C12orf43: variants seen among roughly 807,000 people sequenced by gnomAD.
C12orf43 encodes the protein chromosome 12 open reading frame 43.
A neutral mutation model predicts 20.6 loss-of-function variants in C12orf43; 15 were observed. The observed-to-expected ratio is 0.73, with a 90% CI of 0.49 to 1.12. The LOEUF is 1.12. Among genes scored for constraint, C12orf43 ranks in the 50% most tolerant of loss-of-function variants. C12orf43 has a pLI of 0.00. For synonymous variants in C12orf43, 144 were observed against 130.8 expected, an observed-to-expected ratio of 1.10 and a Z score of -0.69; for missense variants, 334 against 344.4, an observed-to-expected ratio of 0.97 and a Z score of 0.24.
Position 121,003,028 on chromosome 12 carries a change from TTTC to T in C12orf43, c.*1122_*1124del, listed in dbSNP as rs766944274. The T allele has an allele frequency of 3.9e-4, 49 of 124,354 alleles. 4 individuals are homozygous for T. In the South Asian group the frequency reaches 4.9e-3, roughly 12 times the overall value. The allele number at this position is 124,354 out of a possible 1,614,324, so 7.7% of individuals were successfully genotyped here. ...AGCTTCTACTTCTTTTCTTTTTCTT[TTTC>T]TTTTTTTTTTTTTGAGATAGGGTCT... On this transcript the variant is annotated 3_prime_UTR_variant, in exon 6 of 6. Transcript: ENST00000288757.
intron 3 of C12orf43, among the ~76,000 whole-genome samples, chr12:121,008,638 TCTA>T (rs1878204647): frequency 6.6e-6 from 1 of 152,224 alleles, no homozygotes. Context: ...AAACACCTCC[TCTA>T]CTTTCTCCAA....
At position 121,004,120 on chromosome 12, in the gene C12orf43, GGAGCTGGCT is replaced by G; in HGVS notation, c.*24_*32del. The G allele has an allele frequency of 6.2e-7, 1 of 1,606,950 alleles. No individual in the cohort carries two copies. Among genetic ancestry groups the G allele is most frequent in the Non-Finnish European group, 8.5e-7 (1 of 1,173,400 alleles). ...AGGGTGGGGGGGACACCTTGTCCTT[GGAGCTGGCT>G]GAGCCCTGTGCCCATGGCTGGGTTC... On this transcript the variant is annotated 3_prime_UTR_variant, in exon 6 of 6. Transcript: ENST00000288757. The surrounding 1 kb of genome is among the most constrained non-coding windows in gnomAD (Gnocchi z 5.6).
chr12:121,001,856 T>G lies in C12orf43; in HGVS notation c.*2297A>C. On this transcript the variant is annotated 3_prime_UTR_variant, in exon 6 of 6. Transcript: ENST00000288757. ...CAGGCAGGGCTCTCCTGGCTTCCCA[T>G]CCCCAGCGATTCCCTCTCCCAGGCC... 1.9e-6 allele frequency: 1 copy of G among 523,736 alleles called. No homozygotes were observed. The highest frequency in any genetic ancestry group is 1.6e-5 in the South Asian group (1 of 63,314). The allele number at this position is 523,736 out of a possible 1,614,324, so 32.4% of individuals were successfully genotyped here. A position where few individuals can be genotyped will look rare whatever the true frequency, so the allele number is the denominator to read the frequency against.
At chr12:121,007,270 C>T (rs1422015820) in intron 3 of C12orf43, 3 of 152,116 alleles carry the variant, frequency 2.0e-5, no homozygotes, top group African/African-American at 4.8e-5. Context: ...CATTTTCTCG[C>T]AATGGTAACA....
Position 121,003,790 on chromosome 12 carries a change from C to T in C12orf43, c.*363G>A. The T allele has an allele frequency of 4.0e-6, 1 of 247,548 alleles. No homozygotes were observed. Among genetic ancestry groups the T allele is most frequent in the African/African-American group, 2.3e-5 (1 of 44,384 alleles). 15.3% of individuals were successfully genotyped at this position (247,548 alleles called of 1,614,324 possible). A position where few individuals can be genotyped will look rare whatever the true frequency, so the allele number is the denominator to read the frequency against. Reference sequence around the variant, plus strand: ...GAGGTGGTGGGGAAGGTCTCCCTTCCCCTGCCCACCTCAGACAGTTCTAGG... The same window carrying T: ...GAGGTGGTGGGGAAGGTCTCCCTTCTCCTGCCCACCTCAGACAGTTCTAGG... On this transcript the variant is annotated 3_prime_UTR_variant, in exon 6 of 6. Coordinates refer to ENST00000288757, the MANE Select transcript of C12orf43 (RefSeq NM_022895.3).
chr12:121,002,733 C>A lies in C12orf43; in HGVS notation c.*1420G>T. ...AAAAATTTTGTTTTGGAGACAGGGT[C>A]TCACTGTCACCCAGGCTGGACTGCA... On this transcript the variant is annotated 3_prime_UTR_variant, in exon 6 of 6. Transcript: ENST00000288757. 3.2e-6 allele frequency: 1 copy of A among 312,772 alleles called. No homozygotes were observed. Among genetic ancestry groups the A allele is most frequent in the South Asian group, 2.6e-5 (1 of 38,138 alleles). 19.4% of individuals were successfully genotyped at this position (312,772 alleles called of 1,614,324 possible).
At position 121,001,279 on chromosome 12, in the gene C12orf43, G is replaced by A. The variant is rs1029883011; in HGVS notation, c.*2874C>T. On this transcript the variant is annotated 3_prime_UTR_variant, in exon 6 of 6. Coordinates refer to ENST00000288757, the MANE Select transcript of C12orf43 (RefSeq NM_022895.3). ...AGCCCTGCCTGGAGGACCTGAGCCT[G>A]CCGAGCAACCGTGGCCCTTCCTGGA... 1.3e-6 allele frequency: 2 copies of A among 1,526,818 alleles called. No individual in the cohort carries two copies. Among genetic ancestry groups the A allele is most frequent in the African/African-American group, 1.4e-5 (1 of 73,234 alleles). 94.6% of individuals were successfully genotyped at this position (1,526,818 alleles called of 1,614,324 possible).
In C12orf43 at chr12:121,004,143, A is replaced by G; in HGVS notation, c.*10T>C. On this transcript the variant is annotated 3_prime_UTR_variant, in exon 6 of 6. Transcript: ENST00000288757. This position sits in a 1 kb window ranked among gnomAD's most constrained non-coding sequence, Gnocchi z 5.6. ...TTGGAGCTGGCTGAGCCCTGTGCCCATGGCTGGGTTCAGTTTGCAGGTATA... is the reference window on the plus strand; with the variant it reads ...TTGGAGCTGGCTGAGCCCTGTGCCCGTGGCTGGGTTCAGTTTGCAGGTATA... The G allele has an allele frequency of 1.9e-6, 3 of 1,614,020 alleles. No individual in the cohort carries two copies. Among genetic ancestry groups the G allele is most frequent in the Non-Finnish European group, 2.5e-6 (3 of 1,179,910 alleles).
At chr12:121,013,226 G>T in intron 1 of C12orf43, among the ~76,000 whole-genome samples, 1 of 152,204 alleles carries the variant, frequency 6.6e-6, no homozygotes, top group East Asian at 1.9e-4. Flanking sequence ...AGTCTTTAAA[G>T]ACCTGGTCTT....
In C12orf43 at chr12:121,000,942, T is replaced by G; in HGVS notation, c.*3211A>C. ...GGTAGAGGTGTGACTTTGGGGTTCC[T>G]GTTATCTGCTGTGATCCAGGAGGTG... On this transcript the variant is annotated 3_prime_UTR_variant, in exon 6 of 6. Transcript: ENST00000288757. 7.3e-7 allele frequency: 1 copy of G among 1,368,266 alleles called. No homozygotes were observed. Among genetic ancestry groups the G allele is most frequent in the Non-Finnish European group, 1.0e-6 (1 of 975,856 alleles). 84.8% of individuals were successfully genotyped at this position (1,368,266 alleles called of 1,614,324 possible).
Position 121,001,994 on chromosome 12 carries a change from C to T in C12orf43, c.*2159G>A, listed in dbSNP as rs912869477. The T allele has an allele frequency of 7.5e-6, 4 of 536,556 alleles. No individual in the cohort carries two copies. Among genetic ancestry groups the T allele is most frequent in the Non-Finnish European group, 1.1e-5 (3 of 276,618 alleles). The allele number at this position is 536,556 out of a possible 1,614,324, so 33.2% of individuals were successfully genotyped here. ...CTTCGGGGCTGGGAAGTCGTCCTTA[C>T]TCCTGTGGGAGCCTCGCAACCCGTG... On this transcript the variant is annotated 3_prime_UTR_variant, in exon 6 of 6. Coordinates refer to ENST00000288757, the MANE Select transcript of C12orf43 (RefSeq NM_022895.3).
rs937579196 is a variant in C12orf43 at position 121,001,852 on chromosome 12, C to A, written c.*2301G>T. On this transcript the variant is annotated 3_prime_UTR_variant, in exon 6 of 6. Coordinates refer to ENST00000288757, the MANE Select transcript of C12orf43 (RefSeq NM_022895.3). ...AAGGCAGGCAGGGCTCTCCTGGCTT[C>A]CCATCCCCAGCGATTCCCTCTCCCA... The A allele has an allele frequency of 3.8e-6, 2 of 526,048 alleles. No homozygotes were observed. The highest frequency in any genetic ancestry group is 7.4e-6 in the Non-Finnish European group (2 of 271,020). 32.6% of individuals were successfully genotyped at this position (526,048 alleles called of 1,614,324 possible).
chr12:121,005,144 A>G lies in C12orf43; in HGVS notation c.362-51T>C, dbSNP rs1320070491. On this transcript the variant is annotated intron_variant, in intron 4 of 5. Transcript: ENST00000288757. This position sits in a 1 kb window ranked among gnomAD's most constrained non-coding sequence, Gnocchi z 5.6. ...ACAAAAACAAAACAAAACAAAAAGA[A>G]ACATAAAAAAATAAAAAATAAAGAA... is the stretch of plus-strand genomic sequence containing the variant. 2 of 940,742 alleles carry G rather than the reference A, an allele frequency of 2.1e-6. No individual in the cohort carries two copies. The highest frequency in any genetic ancestry group is 2.8e-6 in the Non-Finnish European group (2 of 701,992). The allele number at this position is 940,742 out of a possible 1,614,324, so 58.3% of individuals were successfully genotyped here.
chr12:121,006,223 G>GAAA, intron 4 of C12orf43, 98 bp downstream of exon 4: 2 of 449,354 alleles, frequency 4.5e-6, no homozygotes, highest in Non-Finnish European at 6.5e-6. Context: ...CTCAAAAAAA[G>GAAA]AAAAAAAAAA....
chr12:121,004,389 T>C lies in C12orf43; in HGVS notation c.553A>G (p.Lys185Glu). ...SAIHSPGTVE[K>E]EAKKKRKLKK... ...AACTTCCTTTTCTTCTTTGCCTCCT[T>C]CTCCACTGTTCCAGGGCTGTGGATG... The change falls in exon 6 of 6, where the codon AAG (lysine) becomes GAG (glutamate). Residue 185 changes from lysine to glutamate, a missense_variant. By Grantham distance (56) the Lys-to-Glu change is moderately conservative. Coordinates refer to ENST00000288757, the MANE Select transcript of C12orf43 (RefSeq NM_022895.3). This position sits in a 1 kb window ranked among gnomAD's most constrained non-coding sequence, Gnocchi z 5.6. 17 of 1,614,106 alleles carry C rather than the reference T, an allele frequency of 1.1e-5. No individual in the cohort carries two copies. The highest frequency in any genetic ancestry group is 1.4e-5 in the Non-Finnish European group (17 of 1,180,028).
At chr12:121,010,051 C>T (rs1459293382) in intron 3 of C12orf43, among the ~76,000 whole-genome samples, 1 of 152,236 alleles carries the variant, frequency 6.6e-6, no homozygotes, top group Non-Finnish European at 1.5e-5. Flanking sequence ...CTTGTAATCC[C>T]AGCACTTTGG....
intron 2 of C12orf43, 22 bp downstream of exon 2, chr12:121,011,082 T>C (rs1002714214): frequency 2.5e-6 from 4 of 1,612,996 alleles, no homozygotes; most frequent in Non-Finnish European, 3.4e-6. Flanking sequence ...TAAGTGAAAC[T>C]TGAACCCAAA....
In C12orf43 at chr12:121,010,894, T is replaced by C. The variant is rs772460720; in HGVS notation, c.221A>G (p.Asn74Ser). ...HKVNEHEQDG[N>S]ELQTTPEFRA... ...GAATTCAGGGGTGGTCTGAAGCTCG[T>C]TGCCATCTTGTTCATGCTCATTCAC... Residue 74 changes from asparagine (N) to serine (S), a missense_variant, in exon 3 of 6, where the codon AAC (asparagine) becomes AGC (serine). Asn to Ser is a conservative substitution (Grantham distance 46). Coordinates refer to ENST00000288757, the MANE Select transcript of C12orf43 (RefSeq NM_022895.3). 35 of 1,614,076 alleles carry C rather than the reference T, an allele frequency of 2.2e-5. No individual in the cohort carries two copies. In the Middle Eastern group the frequency reaches 1.3e-3, roughly 61 times the overall value.
rs770690184 is a variant in C12orf43 at position 121,001,553 on chromosome 12, G to A, written c.*2600C>T. The A allele has an allele frequency of 5.6e-5, 25 of 443,694 alleles. No homozygotes were observed. The highest frequency in any genetic ancestry group is 1.2e-4 in the African/African-American group (6 of 50,978). The allele number at this position is 443,694 out of a possible 1,614,324, so 27.5% of individuals were successfully genotyped here. On this transcript the variant is annotated 3_prime_UTR_variant, in exon 6 of 6. Transcript: ENST00000288757. ...TGGGCCTATGGAGAGCCCTGGGACCGCTACACCACTCTGGCAGCCACACTT... is the reference window on the plus strand; with the variant it reads ...TGGGCCTATGGAGAGCCCTGGGACCACTACACCACTCTGGCAGCCACACTT...
Sources: gnomAD v4.1 joint callset for allele counts (sites outside exome capture counted in the v4.1 genomes callset) on GRCh38, gnomAD v4.1.1 for gene constraint, Gnocchi (gnomAD v3.1) non-coding constraint, MANE v1.5 for transcripts, NCBI Gene and HGNC (gene_info 2026-07-23, HGNC 2026-07-21) for gene names.